The following PRKCA variants were observed in gnomAD, a reference collection of about 807,000 sequenced individuals.
PRKCA encodes the protein protein kinase C alpha, also known as protein kinase C alpha type.
A neutral mutation model predicts 87.0 loss-of-function variants in PRKCA; 27 were observed. The observed-to-expected ratio is 0.31, with a 90% CI of 0.23 to 0.43. The LOEUF is 0.43. Among genes scored for constraint, PRKCA ranks in the 20% least tolerant of loss-of-function variants. The pLI, the probability that PRKCA is intolerant of heterozygous loss-of-function variation, is 1.00. For synonymous variants in PRKCA, 329 were observed against 311.1 expected (o/e 1.06, Z -0.61); for missense variants, 518 against 852.3 (o/e 0.61, Z 4.88).
At chr17:66,748,958 A>G (rs985565671) in intron 13 of PRKCA, among the ~76,000 whole-genome samples, 14 of 150,636 alleles carry the variant, frequency 9.3e-5, no homozygotes, top group Admixed American at 9.3e-4. Flanking sequence ...GAAAGCTGAA[A>G]CCCCCTCCCT....
chr17:66,761,567 A>G (rs1442075099), intron 13 of PRKCA, among the ~76,000 whole-genome samples: 1 of 151,418 alleles, frequency 6.6e-6, no homozygotes, highest in African/African-American at 2.4e-5. Flanking sequence ...AGCAATTCTC[A>G]TGCCCCAGCC....
intron 13 of PRKCA, among the ~76,000 whole-genome samples, chr17:66,767,556 T>C (rs1046840976): frequency 6.6e-6 from 1 of 151,992 alleles, no homozygotes; most frequent in African/African-American, 2.4e-5. Context: ...AAGGAGGAAG[T>C]TTTTAGAATG....
chr17:66,337,050 C>CA (rs1417299043), intron 2 of PRKCA, among the ~76,000 whole-genome samples: 1 of 152,160 alleles, frequency 6.6e-6, no homozygotes, highest in African/African-American at 2.4e-5. Flanking sequence ...CTCGGCCTCC[C>CA]AAAGTGCTGG....
At chr17:66,790,410 A>AG (rs933102351) in intron 16 of PRKCA, among the ~76,000 whole-genome samples, 7 of 114,486 alleles carry the variant, frequency 6.1e-5, no homozygotes, top group East Asian at 5.8e-4. Context: ...CACTGATTTC[A>AG]GGGGGGTCTC....
intron 3 of PRKCA, among the ~76,000 whole-genome samples, chr17:66,545,353 C>T (rs1420469053): frequency 6.6e-6 from 1 of 152,188 alleles, no homozygotes; most frequent in Non-Finnish European, 1.5e-5. Flanking sequence ...GGCGTGAACC[C>T]AAAAGGCGGA....
At chr17:66,688,660 AG>A (rs772504646) in intron 7 of PRKCA, among the ~76,000 whole-genome samples, 11 of 151,854 alleles carry the variant, frequency 7.2e-5, no homozygotes, top group Non-Finnish European at 1.3e-4. Flanking sequence ...AAAATTAGCC[AG>A]GTGTGGTGGT....
At chr17:66,401,166 T>C (rs1280382581) in intron 2 of PRKCA, among the ~76,000 whole-genome samples, 3 of 152,066 alleles carry the variant, frequency 2.0e-5, no homozygotes. Flanking sequence ...AACGGGCAAA[T>C]GAAGTGGCAA....
chr17:66,796,130 A>G (rs546921887), intron 16 of PRKCA, among the ~76,000 whole-genome samples: 5 of 152,316 alleles, frequency 3.3e-5, no homozygotes, highest in African/African-American at 7.2e-5. Context: ...TGCTCTCTCT[A>G]TATGGTGAAA....
At chr17:66,585,596 G>A (rs1969568710) in intron 3 of PRKCA, among the ~76,000 whole-genome samples, 2 of 152,222 alleles carry the variant, frequency 1.3e-5, no homozygotes, top group South Asian at 2.1e-4. Flanking sequence ...CCTCACAGAT[G>A]TCTCAGCTGA....
chr17:66,686,320 C>T (rs1972626708), intron 5 of PRKCA, among the ~76,000 whole-genome samples: 2 of 152,116 alleles, frequency 1.3e-5, no homozygotes, highest in African/African-American at 4.8e-5. Context: ...GCATTGGAAG[C>T]ACCTGGAGGT....
rs1971653629 is a variant in PRKCA, at chr17:66,653,778, A to C, written c.529+8267A>C. Reference sequence around the variant, plus strand: ...AAGACACCAGCTTCTATTTCCTGCAAGTTTCCAGCTCTTAAAAAAAAAAAA... The same window carrying C: ...AAGACACCAGCTTCTATTTCCTGCACGTTTCCAGCTCTTAAAAAAAAAAAA... On this transcript the variant is annotated intron_variant, in intron 5 of 16. Coordinates refer to ENST00000413366, the MANE Select transcript of PRKCA (RefSeq NM_002737.3). Among the ~76,000 whole-genome samples, 3 of 137,290 alleles carry C rather than the reference A, an allele frequency of 2.2e-5. No individual in the cohort carries two copies. In the Admixed American group the frequency reaches 2.4e-4, roughly 11 times the overall value. 90.1% of individuals were successfully genotyped at this position (137,290 alleles called of 152,430 possible).
chr17:66,437,427 C>T (rs1048444438), intron 2 of PRKCA, among the ~76,000 whole-genome samples: 3 of 152,198 alleles, frequency 2.0e-5, no homozygotes, highest in African/African-American at 7.2e-5. Context: ...CTTATTCATA[C>T]TGCTTCTAAG....
At chr17:66,303,126 A>T in intron 1 of PRKCA, 102 bp downstream of exon 1, 1 of 1,453,940 alleles carries the variant, frequency 6.9e-7, no homozygotes. Flanking sequence ...CACTCCGATA[A>T]CTTGGAACCG....
At chr17:66,369,088 C>T (rs1390192716) in intron 2 of PRKCA, among the ~76,000 whole-genome samples, 2 of 152,114 alleles carry the variant, frequency 1.3e-5, no homozygotes, top group Admixed American at 1.3e-4. Flanking sequence ...GGCATTAGGC[C>T]AGAGCTGTGT....
At chr17:66,649,220 G>A (rs1475198567) in intron 5 of PRKCA, among the ~76,000 whole-genome samples, 1 of 152,212 alleles carries the variant, frequency 6.6e-6, no homozygotes, top group Non-Finnish European at 1.5e-5. Context: ...ACCACAAGTG[G>A]TACTAAGCAG....
chr17:66,404,771 A>ATTTTTTTTTT (rs1445620775), intron 2 of PRKCA, among the ~76,000 whole-genome samples: 2 of 9,530 alleles, frequency 2.1e-4, no homozygotes, highest in African/African-American at 3.4e-4. Flanking sequence ...TTTTTTTTTG[A>ATTTTTTTTTT]GACAGCGTTT....
At chr17:66,736,657 A>C (rs1044735354) in intron 10 of PRKCA, among the ~76,000 whole-genome samples, 15 of 152,218 alleles carry the variant, frequency 9.9e-5, no homozygotes, top group African/African-American at 3.6e-4. Context: ...TTTGTAAAAG[A>C]GCATGTTCTT....
At chr17:66,784,860 G>A (rs1350279876) in intron 14 of PRKCA, among the ~76,000 whole-genome samples, 1 of 152,136 alleles carries the variant, frequency 6.6e-6, no homozygotes, top group African/African-American at 2.4e-5. Flanking sequence ...GCACCCCCTG[G>A]TGGGTGCCCC....
At chr17:66,785,183 AGGACTGGGCAGG>A (rs1202957609) in intron 14 of PRKCA, among the ~76,000 whole-genome samples, 1 of 152,004 alleles carries the variant, frequency 6.6e-6, no homozygotes, top group African/African-American at 2.4e-5. Context: ...GCTCCTGTCC[AGGACTGGGCAGG>A]GGACTGAGGT....
Sources: gnomAD v4.1 joint callset for allele counts (sites outside exome capture counted in the v4.1 genomes callset) on GRCh38, gnomAD v4.1.1 for gene constraint, MANE v1.5 for transcripts, NCBI Gene and HGNC (gene_info 2026-07-23, HGNC 2026-07-21) for gene names.